Variants in SPATA45 observed in about 807,000 individuals in gnomAD.
The protein encoded by SPATA45 is spermatogenesis-associated protein 45.
Under a neutral mutation model 7.0 loss-of-function variants are expected in SPATA45, and 5 were observed. That is an observed-to-expected ratio of 0.71 (90% CI 0.37 to 1.50). SPATA45 has a LOEUF of 1.50. Among genes scored for constraint, SPATA45 ranks in the 40% most tolerant of loss-of-function variants. The probability of loss-of-function intolerance (pLI) is 0.03; values close to 1 mark genes in which losing one functional copy is unlikely to be tolerated. For synonymous variants in SPATA45, 40 were observed against 38.7 expected (o/e 1.03, Z -0.13); for missense variants, 111 against 114.9 (o/e 0.97, Z 0.16).
Position 212,836,129 on chromosome 1 carries a change from G to T in SPATA45, c.21C>A (p.Thr7=). The stretch of plus-strand genomic sequence containing the variant: ...CTCCATGTTTTTTCATTATTTCAAT[G>T]GTTCTGTTTATAGATGCCATTATGG... MASINR[T]IEIMKKHGVS... Residue 7 remains threonine, a synonymous_variant, in exon 2 of 3, where the codon ACC becomes ACA. Coordinates refer to ENST00000332912, the MANE Select transcript of SPATA45 (RefSeq NM_001024601.3). The T allele has an allele frequency of 6.2e-7, 1 of 1,604,088 alleles. No homozygotes were observed. The highest frequency in any genetic ancestry group is 1.1e-5 in the South Asian group (1 of 90,510).
At chr1:212,840,959 T>A (rs913968084) in intron 1 of SPATA45, among the ~76,000 whole-genome samples, 2 of 152,022 alleles carry the variant, frequency 1.3e-5, no homozygotes, top group African/African-American at 4.8e-5. Context: ...TCTTCTTTTT[T>A]GAGGCGGAGT....
At position 212,830,237 on chromosome 1, in the gene SPATA45, G is replaced by A; in HGVS notation, c.*5C>T. On this transcript the variant is annotated 3_prime_UTR_variant, in exon 3 of 3. Coordinates refer to ENST00000332912, the MANE Select transcript of SPATA45 (RefSeq NM_001024601.3). ...TGTATTTCCGTGTGTCTCTGGAGAT[G>A]CACTTTATCCAAATATGGCATTATC... 2 of 1,521,282 alleles carry A rather than the reference G, an allele frequency of 1.3e-6. No individual in the cohort carries two copies. The highest frequency in any genetic ancestry group is 1.2e-5 in the South Asian group (1 of 85,684). The allele number at this position is 1,521,282 out of a possible 1,614,324, so 94.2% of individuals were successfully genotyped here. A position where few individuals can be genotyped will look rare whatever the true frequency, so the allele number is the denominator to read the frequency against.
intron 1 of SPATA45, among the ~76,000 whole-genome samples, chr1:212,843,721 C>T (rs1187640158): frequency 6.6e-6 from 1 of 152,180 alleles, no homozygotes; most frequent in Non-Finnish European, 1.5e-5. Flanking sequence ...GACATAGGAA[C>T]AGGCCAATTC....
At chr1:212,836,259 C>T in intron 1 of SPATA45, 72 bp from the exon 2 acceptor site, 1 of 1,238,800 alleles carries the variant, frequency 8.1e-7, no homozygotes, top group South Asian at 1.5e-5. Flanking sequence ...TCACGTTTGC[C>T]AGTTTCTCTT....
At chr1:212,837,656 G>A (rs1663612916) in intron 1 of SPATA45, among the ~76,000 whole-genome samples, 1 of 151,594 alleles carries the variant, frequency 6.6e-6, no homozygotes, top group Non-Finnish European at 1.5e-5. Context: ...AAATAAAGTG[G>A]CCAGGCGCAG....
Position 212,840,139 on chromosome 1 carries a change from C to T in SPATA45, c.-38-3952G>A, listed in dbSNP as rs1030616384. Among the ~76,000 whole-genome samples, 33 of 151,242 alleles carry T rather than the reference C, an allele frequency of 2.2e-4. 1 individual carries two copies. The highest frequency in any genetic ancestry group is 1.2e-4 in the Non-Finnish European group (8 of 67,712). ...TTAAATTTAATTTTAGTGGGCCAGG[C>T]GCAGTGGCTCATGCCTGTAATCCCT... On this transcript the variant is annotated intron_variant, in intron 1 of 2. Coordinates refer to ENST00000332912, the MANE Select transcript of SPATA45 (RefSeq NM_001024601.3).
intron 2 of SPATA45, among the ~76,000 whole-genome samples, chr1:212,831,498 T>C (rs1047203209): frequency 6.7e-6 from 1 of 149,124 alleles, no homozygotes; most frequent in Non-Finnish European, 1.5e-5. Context: ...AAACCTCAAA[T>C]TACTAAAAGC....
At chr1:212,840,548 G>A (rs1170788025) in intron 1 of SPATA45, among the ~76,000 whole-genome samples, 1 of 151,940 alleles carries the variant, frequency 6.6e-6, no homozygotes, top group Non-Finnish European at 1.5e-5. Flanking sequence ...GCCTCCCAAA[G>A]TAGCTGGGAT....
intron 1 of SPATA45, 117 bp from the exon 2 acceptor site, chr1:212,836,304 C>T: frequency 1.3e-6 from 1 of 743,068 alleles, no homozygotes; most frequent in Non-Finnish European, 2.2e-6. Flanking sequence ...CAACCACCAC[C>T]AAGCCTCCCA....
chr1:212,831,053 C>T (rs1281723432), intron 2 of SPATA45, among the ~76,000 whole-genome samples: 2 of 150,506 alleles, frequency 1.3e-5, no homozygotes, highest in African/African-American at 4.9e-5. Flanking sequence ...GCAGGAGAAT[C>T]GCTTGAACCC....
In SPATA45 at chr1:212,835,937, G is replaced by A. The variant is rs750862033; in HGVS notation, c.213C>T (p.Gly71=). The A allele has an allele frequency of 5.0e-6, 8 of 1,610,278 alleles. No homozygotes were observed. The Admixed American group carries it at 6.7e-5, about 13-fold the overall frequency. The part of the protein sequence containing the change: ...TTTKEPVPNS[G]RSSWIKLSLL... ...GACTCAGCTTGATCCAGGAGCTCCT[G>A]CCACTGTTGGGAACAGGCTCTTTGG... Residue 71 remains glycine (G), a synonymous_variant, in exon 2 of 3, where the codon GGC becomes GGT. Coordinates refer to ENST00000332912, the MANE Select transcript of SPATA45 (RefSeq NM_001024601.3).
intron 1 of SPATA45, among the ~76,000 whole-genome samples, chr1:212,841,496 G>GT (rs55683239): frequency 0.13 from 19,260 of 151,928 alleles, 1,567 homozygotes; most frequent in African/African-American, 0.23. Context: ...ACTTTAGGTT[G>GT]TTTTTGATTT....
intron 1 of SPATA45, among the ~76,000 whole-genome samples, chr1:212,844,440 C>A (rs1442452933): frequency 6.6e-6 from 1 of 152,150 alleles, no homozygotes; most frequent in African/African-American, 2.4e-5. Flanking sequence ...CAACACCTGA[C>A]CCCCATGACG....
chr1:212,836,701 T>C (rs1299789259), intron 1 of SPATA45, among the ~76,000 whole-genome samples: 1 of 150,584 alleles, frequency 6.6e-6, no homozygotes, highest in African/African-American at 2.4e-5. Context: ...AAGGCTGGAG[T>C]GCAGTGGCTC....
At chr1:212,847,377 T>A (rs1000054221) in intron 1 of SPATA45, among the ~76,000 whole-genome samples, 11 of 152,184 alleles carry the variant, frequency 7.2e-5, no homozygotes, top group African/African-American at 2.7e-4. Flanking sequence ...TCCATATTGC[T>A]TTTGAGCCAT....
intron 2 of SPATA45, among the ~76,000 whole-genome samples, chr1:212,835,441 G>A (rs1663569918): frequency 6.6e-6 from 1 of 151,562 alleles, no homozygotes; most frequent in African/African-American, 2.4e-5. Context: ...CAGGAGAATC[G>A]CTTGAATCCA....
chr1:212,838,273 C>T (rs1663621225), intron 1 of SPATA45, among the ~76,000 whole-genome samples: 1 of 148,682 alleles, frequency 6.7e-6, no homozygotes, highest in Admixed American at 6.9e-5. Flanking sequence ...CACTACACTC[C>T]AGCTTGGGCG....
chr1:212,832,598 C>T (rs1663509864), intron 2 of SPATA45, among the ~76,000 whole-genome samples: 1 of 151,340 alleles, frequency 6.6e-6, no homozygotes, highest in Non-Finnish European at 1.5e-5. Flanking sequence ...GATATATATT[C>T]GTTGAATGAA....
chr1:212,846,539 CTGATA>C (rs1663797661), intron 1 of SPATA45, among the ~76,000 whole-genome samples: 1 of 152,174 alleles, frequency 6.6e-6, no homozygotes. Context: ...CCCACCCTAA[CTGATA>C]TGATATATTC....
Sources: gnomAD v4.1 joint callset for allele counts (sites outside exome capture counted in the v4.1 genomes callset) on GRCh38, gnomAD v4.1.1 for gene constraint, MANE v1.5 for transcripts, NCBI Gene and HGNC (gene_info 2026-07-23, HGNC 2026-07-21) for gene names.